CDH13: variants seen among roughly 807,000 people sequenced by gnomAD.
CDH13 encodes the protein cadherin-13.
Under a neutral mutation model 63.8 loss-of-function variants are expected in CDH13, and 24 were observed. That is an observed-to-expected ratio of 0.38 (90% CI 0.27 to 0.53). The LOEUF is 0.53. CDH13 is among the 20% of genes least tolerant of loss of function. The pLI is 0.85. For missense variants in CDH13, 1,049 were observed against 903.1 expected (o/e 1.16, Z -2.07); for synonymous variants, 503 against 355.3 (o/e 1.42, Z -4.67).
At chr16:83,200,247 G>C (rs1365115694) in intron 4 of CDH13, among the ~76,000 whole-genome samples, 1 of 152,170 alleles carries the variant, frequency 6.6e-6, no homozygotes, top group African/African-American at 2.4e-5. Context: ...GATGAGCTTA[G>C]CACCGTCGGC....
At chr16:83,349,585 A>G (rs1013738567) in intron 6 of CDH13, among the ~76,000 whole-genome samples, 2 of 8,144 alleles carry the variant, frequency 2.5e-4, no homozygotes, top group African/African-American at 1.8e-3. Context: ...GAGGTGCATT[A>G]TTATTATTAT....
At chr16:82,963,386 A>C (rs1033636223) in intron 2 of CDH13, among the ~76,000 whole-genome samples, 2 of 152,134 alleles carry the variant, frequency 1.3e-5, no homozygotes, top group African/African-American at 4.8e-5. Context: ...TCTCAAAGAA[A>C]AGAAAAGAAA....
At chr16:83,282,643 C>G (rs966942940) in intron 5 of CDH13, among the ~76,000 whole-genome samples, 3 of 152,134 alleles carry the variant, frequency 2.0e-5, no homozygotes, top group African/African-American at 4.8e-5. Flanking sequence ...GTAAAAAGAG[C>G]TCCTGTAAAT....
intron 3 of CDH13, among the ~76,000 whole-genome samples, chr16:83,061,511 C>T (rs770633756): frequency 1.7e-4 from 26 of 152,150 alleles, no homozygotes; most frequent in African/African-American, 2.4e-4. Context: ...ATGCCTTTCC[C>T]AGCTAAAAAT....
chr16:83,697,047 C>G (rs757661685), intron 10 of CDH13, among the ~76,000 whole-genome samples: 6 of 152,210 alleles, frequency 3.9e-5, no homozygotes, highest in Non-Finnish European at 5.9e-5. Flanking sequence ...CATTCAGGAA[C>G]TGTGCAAACA....
chr16:83,177,882 A>G (rs755901243), intron 4 of CDH13, among the ~76,000 whole-genome samples: 2 of 152,202 alleles, frequency 1.3e-5, no homozygotes, highest in Non-Finnish European at 2.9e-5. Context: ...CCACCATGCT[A>G]TAAACACACC....
intron 2 of CDH13, among the ~76,000 whole-genome samples, chr16:82,872,367 C>T (rs2040370680): frequency 6.6e-6 from 1 of 152,210 alleles, no homozygotes; most frequent in African/African-American, 2.4e-5. Context: ...TCACTTGGTT[C>T]TGGAGCTGGT....
chr16:82,897,106 C>G (rs527788400), intron 2 of CDH13, among the ~76,000 whole-genome samples: 2 of 152,194 alleles, frequency 1.3e-5, no homozygotes, highest in East Asian at 1.9e-4. Context: ...CTAAAGAATT[C>G]TGGGAGTGCT....
At chr16:83,072,349 A>G (rs1394899281) in intron 3 of CDH13, among the ~76,000 whole-genome samples, 2 of 152,202 alleles carry the variant, frequency 1.3e-5, no homozygotes, top group African/African-American at 2.4e-5. Flanking sequence ...GTTTATATAT[A>G]ATGCTAGAAA....
intron 1 of CDH13, among the ~76,000 whole-genome samples, chr16:82,822,105 G>A (rs2038030960): frequency 1.3e-5 from 2 of 152,136 alleles, no homozygotes; most frequent in Admixed American, 1.3e-4. Flanking sequence ...ACAGACATTT[G>A]CCTCACCCCA....
chr16:83,505,665 T>C (rs1191263574), intron 7 of CDH13, among the ~76,000 whole-genome samples: 1 of 148,030 alleles, frequency 6.8e-6, no homozygotes, highest in East Asian at 2.0e-4. Context: ...TGCCTCAGCC[T>C]CCGGAGTAGC....
intron 5 of CDH13, among the ~76,000 whole-genome samples, chr16:83,248,450 T>C (rs1384927543): frequency 1.3e-5 from 2 of 152,130 alleles, no homozygotes; most frequent in African/African-American, 4.8e-5. Flanking sequence ...CACATGCAGG[T>C]GTCATTGTAT....
intron 2 of CDH13, among the ~76,000 whole-genome samples, chr16:82,873,477 G>T (rs2040409276): frequency 6.6e-6 from 1 of 152,136 alleles, no homozygotes. Flanking sequence ...TCTGAGAACA[G>T]ACTGGGGTGT....
At chr16:83,752,613 G>A (rs1321120433) in intron 11 of CDH13, among the ~76,000 whole-genome samples, 6 of 152,178 alleles carry the variant, frequency 3.9e-5, no homozygotes, top group African/African-American at 1.4e-4. Context: ...CCTTACAGCT[G>A]TTTCTCATCT....
At chr16:83,486,145 A>C (rs1227352452) in intron 6 of CDH13, among the ~76,000 whole-genome samples, 2 of 151,756 alleles carry the variant, frequency 1.3e-5, no homozygotes, top group Non-Finnish European at 2.9e-5. Context: ...TCTGTCTAAA[A>C]AAATGAATGT....
chr16:82,746,257 ATG>A (rs1382133647), intron 1 of CDH13, among the ~76,000 whole-genome samples: 3 of 84,902 alleles, frequency 3.5e-5, no homozygotes, highest in Non-Finnish European at 6.0e-5. Flanking sequence ...GTTTATATAT[ATG>A]TGTTTATATA....
Position 83,125,442 on chromosome 16 carries a change from G to C in CDH13, c.424G>C (p.Val142Leu). The change falls in exon 4 of 14, where the codon GTA (valine) becomes CTA (leucine). Residue 142 changes from valine (V) to leucine (L), a missense_variant. Physicochemically the swap from Val to Leu is conservative, Grantham distance 32. Coordinates refer to ENST00000567109, the MANE Select transcript of CDH13 (RefSeq NM_001257.5). ...PVPRQKRSIV[V>L]SPILIPENQR... The stretch of plus-strand genomic sequence containing the variant: ...CCCAAGACAAAAGAGGTCCATTGTG[G>C]TATCTCCCATTTTAATTCCAGAGAA... 1 of 1,612,556 alleles carries C rather than the reference G, an allele frequency of 6.2e-7. No homozygotes were observed. The highest frequency in any genetic ancestry group is 8.5e-7 in the Non-Finnish European group (1 of 1,178,674).
chr16:83,121,259 G>T (rs904157933), intron 3 of CDH13, among the ~76,000 whole-genome samples: 1 of 152,046 alleles, frequency 6.6e-6, no homozygotes, highest in African/African-American at 2.4e-5. Context: ...ATATTCTTCT[G>T]TGATCACTAT....
In CDH13 at chr16:83,484,500, A is replaced by G. The variant is rs1387376; in HGVS notation, c.782-1977A>G. ...GGTAGCAATACAATTGCTATTGTCAATCATCAAAACCAGCAGGCATGTTTT... is the reference window on the plus strand; with the variant it reads ...GGTAGCAATACAATTGCTATTGTCAGTCATCAAAACCAGCAGGCATGTTTT... On this transcript the variant is annotated intron_variant, in intron 6 of 13. Transcript: ENST00000567109. 1.4e-3 allele frequency among the ~76,000 whole-genome samples: 208 copies of G among 152,372 alleles called. 4 individuals are homozygous for G. The South Asian group carries it at 0.038, about 28-fold the overall frequency.
Sources: allele counts gnomAD v4.1 joint callset (sites outside exome capture counted in the v4.1 genomes callset), GRCh38; gene constraint gnomAD v4.1.1; transcripts MANE v1.5; gene names NCBI Gene and HGNC (gene_info 2026-07-23, HGNC 2026-07-21).